Variants in NTN1 observed in about 807,000 individuals in gnomAD.
NTN1 encodes netrin-1.
A neutral mutation model predicts 54.2 loss-of-function variants in NTN1; 11 were observed. That is an observed-to-expected ratio of 0.20 (90% confidence interval 0.13 to 0.34). The LOEUF is 0.34. NTN1 is among the 10% of genes least tolerant of loss of function. The probability of loss-of-function intolerance (pLI) is 1.00; values close to 1 mark genes in which losing one functional copy is unlikely to be tolerated. For missense variants in NTN1, 740 were observed against 893.1 expected (o/e 0.83, Z 2.18); for synonymous variants, 371 against 382.0 (o/e 0.97, Z 0.33).
intron 2 of NTN1, among the ~76,000 whole-genome samples, chr17:9,142,780 A>G (rs1457724941): frequency 6.6e-6 from 1 of 152,218 alleles, no homozygotes; most frequent in Admixed American, 6.5e-5. Context: ...TGAGAGAAGC[A>G]TAGTAGATGA....
intron 5 of NTN1, among the ~76,000 whole-genome samples, chr17:9,213,833 C>T (rs958625642): frequency 6.6e-6 from 1 of 152,182 alleles, no homozygotes; most frequent in Non-Finnish European, 1.5e-5. Flanking sequence ...GATTCCATGT[C>T]TCTTACTCAG....
At chr17:9,215,550 G>T (rs886303320) in intron 5 of NTN1, among the ~76,000 whole-genome samples, 1 of 152,152 alleles carries the variant, frequency 6.6e-6, no homozygotes, top group Non-Finnish European at 1.5e-5. Context: ...ATTTCAAAAA[G>T]GATACATAAT....
At chr17:9,105,214 C>T (rs1345373935) in intron 2 of NTN1, among the ~76,000 whole-genome samples, 2 of 152,212 alleles carry the variant, frequency 1.3e-5, no homozygotes, top group South Asian at 2.1e-4. Flanking sequence ...ACACCTGGGC[C>T]GGATTTCCAG....
intron 2 of NTN1, among the ~76,000 whole-genome samples, chr17:9,153,139 C>T (rs1017597445): frequency 7.9e-5 from 12 of 152,000 alleles, no homozygotes; most frequent in African/African-American, 1.7e-4. Flanking sequence ...TGTGGTGGCA[C>T]GCACCTGTAA....
chr17:9,230,153 A>G (rs1567746942), intron 6 of NTN1, among the ~76,000 whole-genome samples: 2 of 152,208 alleles, frequency 1.3e-5, no homozygotes, highest in Non-Finnish European at 2.9e-5. Flanking sequence ...AAGTGTGGAA[A>G]GCTGGACAGG....
At chr17:9,117,363 G>C (rs982313077) in intron 2 of NTN1, among the ~76,000 whole-genome samples, 1 of 152,212 alleles carries the variant, frequency 6.6e-6, no homozygotes, top group African/African-American at 2.4e-5. Flanking sequence ...GATGACACCA[G>C]TAGTTGGGCT....
At chr17:9,238,142 G>C (rs112870063) in intron 6 of NTN1, among the ~76,000 whole-genome samples, 1 of 152,140 alleles carries the variant, frequency 6.6e-6, no homozygotes, top group Non-Finnish European at 1.5e-5. Context: ...CCCCAGAGAC[G>C]TTGACAGAAG....
At chr17:9,050,498 CATCT>C (rs1398828436) in intron 2 of NTN1, among the ~76,000 whole-genome samples, 1 of 151,166 alleles carries the variant, frequency 6.6e-6, no homozygotes, top group African/African-American at 2.4e-5. Flanking sequence ...GACGAAACCC[CATCT>C]CTACTAAAAA....
chr17:9,061,889 A>C (rs1251231905), intron 2 of NTN1, among the ~76,000 whole-genome samples: 3 of 151,694 alleles, frequency 2.0e-5, no homozygotes, highest in Non-Finnish European at 4.4e-5. Context: ...ATTTTTAGTA[A>C]AGACGGTGTT....
intron 2 of NTN1, among the ~76,000 whole-genome samples, chr17:9,075,665 TG>T (rs2092047005): frequency 6.6e-6 from 1 of 152,172 alleles, no homozygotes; most frequent in African/African-American, 2.4e-5. Flanking sequence ...CTAGCTTCTT[TG>T]GGAGGGGGAA....
rs781316575 is a variant in NTN1, at chr17:9,022,520, C to T, written c.147C>T (p.Arg49=). The T allele has an allele frequency of 3.2e-6, 5 of 1,548,444 alleles. No individual in the cohort carries two copies. The Admixed American group carries it at 5.7e-5, about 18-fold the overall frequency. ...DPCSDENGHP[R]RCIPDFVNAA... ...GCTCGGACGAGAACGGCCACCCGCGCCGCTGCATCCCGGACTTTGTCAATG... is the reference window on the plus strand; with the variant it reads ...GCTCGGACGAGAACGGCCACCCGCGTCGCTGCATCCCGGACTTTGTCAATG... The change falls in exon 2 of 7, where the codon CGC becomes CGT. Residue 49 remains arginine (R), a synonymous_variant. Coordinates refer to ENST00000173229, the MANE Select transcript of NTN1 (RefSeq NM_004822.3).
chr17:9,190,852 GAAA>G (rs879564741), intron 5 of NTN1, among the ~76,000 whole-genome samples: 1 of 143,948 alleles, frequency 6.9e-6, no homozygotes, highest in Non-Finnish European at 1.5e-5. Context: ...ACTGTGTCTG[GAAA>G]AAAAAAAAAT....
chr17:9,012,812 G>A, the NTN1 span, among the ~76,000 whole-genome samples: 1 of 152,184 alleles, frequency 6.6e-6, no homozygotes, highest in African/African-American at 2.4e-5. Context: ...CCACCACAAG[G>A]ATGTTGAGAT....
At chr17:9,216,353 C>G (rs1044529008) in intron 5 of NTN1, among the ~76,000 whole-genome samples, 1 of 152,178 alleles carries the variant, frequency 6.6e-6, no homozygotes, top group Non-Finnish European at 1.5e-5. Flanking sequence ...TTTAATCTCC[C>G]TTACTGCCTT....
intron 2 of NTN1, among the ~76,000 whole-genome samples, chr17:9,027,714 A>C (rs2091875861): frequency 6.6e-6 from 1 of 152,124 alleles, no homozygotes; most frequent in African/African-American, 2.4e-5. Flanking sequence ...GTATATAAGA[A>C]GTTTTCTTTT....
intron 2 of NTN1, among the ~76,000 whole-genome samples, chr17:9,095,000 A>G (rs1396187658): frequency 6.6e-6 from 1 of 151,806 alleles, no homozygotes; most frequent in African/African-American, 2.4e-5. Flanking sequence ...AAAAAAAAAA[A>G]AAAAAAAAAA....
At chr17:9,186,866 G>A (rs550196279) in intron 5 of NTN1, among the ~76,000 whole-genome samples, 19 of 152,294 alleles carry the variant, frequency 1.2e-4, no homozygotes, top group Admixed American at 1.2e-3. Context: ...TAGGGAATAG[G>A]TTGGGTGAAT....
chr17:9,056,004 C>G (rs930193841), intron 2 of NTN1, among the ~76,000 whole-genome samples: 2 of 151,974 alleles, frequency 1.3e-5, no homozygotes, highest in African/African-American at 4.8e-5. Flanking sequence ...CTCAGGTGAT[C>G]CTCCTGCCTC....
At chr17:9,054,269 A>T (rs114813854) in intron 2 of NTN1, among the ~76,000 whole-genome samples, 1,532 of 152,314 alleles carry the variant, frequency 0.01, 27 homozygotes, top group African/African-American at 0.032. Context: ...CACAGAGTGG[A>T]TCCCCGAAGA....
Sources: allele counts gnomAD v4.1 joint callset (sites outside exome capture counted in the v4.1 genomes callset), GRCh38; gene constraint gnomAD v4.1.1; transcripts MANE v1.5; gene names NCBI Gene and HGNC (gene_info 2026-07-23, HGNC 2026-07-21).